Variants in TBC1D21 observed in about 807,000 individuals in gnomAD.
TBC1D21 encodes male germ cell Rab GTPase-activating protein.
A neutral mutation model predicts 46.0 loss-of-function variants in TBC1D21; 38 were observed. The observed-to-expected ratio is 0.83, with a 90% CI of 0.64 to 1.08. TBC1D21 has a LOEUF of 1.08. Ranked by LOEUF, TBC1D21 falls within the 50% of genes least tolerant of loss-of-function variation. The pLI, the probability that TBC1D21 is intolerant of heterozygous loss-of-function variation, is 0.00. For missense variants in TBC1D21, 415 were observed against 417.9 expected, an observed-to-expected ratio of 0.99 and a Z score of 0.06; for synonymous variants, 151 against 157.2, an observed-to-expected ratio of 0.96 and a Z score of 0.29.
intron 7 of TBC1D21, 68 bp from the exon 8 acceptor site, chr15:73,886,444 C>A (rs1567068441): frequency 3.5e-6 from 5 of 1,426,216 alleles, no homozygotes; most frequent in Non-Finnish European, 4.9e-6. Flanking sequence ...AGTTTGGCCT[C>A]ATCTGCATGT....
At chr15:73,889,785 T>C (rs754629498), downstream of TBC1D21, among the ~76,000 whole-genome samples, 4 of 152,250 alleles carry the variant, frequency 2.6e-5, no homozygotes, top group Non-Finnish European at 4.4e-5. Flanking sequence ...TTCTTGAGAA[T>C]GCACTCTTTG....
At chr15:73,909,386 T>C in the TBC1D21 span, among the ~76,000 whole-genome samples, 2 of 151,226 alleles carry the variant, frequency 1.3e-5, no homozygotes, top group African/African-American at 4.8e-5. Context: ...AAAATCCACA[T>C]AGAGTGCAGC....
the TBC1D21 span, among the ~76,000 whole-genome samples, chr15:73,904,053 A>ATAT: frequency 6.6e-6 from 1 of 151,440 alleles, no homozygotes; most frequent in Non-Finnish European, 1.5e-5. Context: ...GTCTCAAAAA[A>ATAT]ATATATATAT....
intron 3 of TBC1D21, among the ~76,000 whole-genome samples, 155 bp downstream of exon 3, chr15:73,881,902 G>A (rs527810929): frequency 1.5e-4 from 23 of 152,152 alleles, no homozygotes; most frequent in South Asian, 2.1e-4. Flanking sequence ...CAGGAGGTGC[G>A]GCCAGTTCGT....
At chr15:73,884,087 G>A in intron 3 of TBC1D21, 64 bp from the exon 4 acceptor site, 1 of 1,345,046 alleles carries the variant, frequency 7.4e-7, no homozygotes. Flanking sequence ...AGCTGCAGCT[G>A]CTCATTCACC....
At chr15:73,904,807 A>G in the TBC1D21 span, among the ~76,000 whole-genome samples, 2 of 152,186 alleles carry the variant, frequency 1.3e-5, no homozygotes, top group Non-Finnish European at 2.9e-5. Context: ...ACAGCAAGGA[A>G]GAGACACGGA....
chr15:73,878,850 T>C (rs956401918), intron 1 of TBC1D21, among the ~76,000 whole-genome samples: 1 of 152,240 alleles, frequency 6.6e-6, no homozygotes, highest in African/African-American at 2.4e-5. Context: ...GCTTTGCCTG[T>C]TCCCTTCTGC....
intron 4 of TBC1D21, 96 bp from the exon 5 acceptor site, chr15:73,884,685 C>T (rs2141572181): frequency 1.2e-6 from 1 of 828,706 alleles, no homozygotes; most frequent in Non-Finnish European, 2.0e-6. Context: ...TCCAGGATGT[C>T]CTAGGGCCTG....
chr15:73,881,877 C>A, intron 3 of TBC1D21, 130 bp downstream of exon 3: 1 of 792,810 alleles, frequency 1.3e-6, no homozygotes, highest in Non-Finnish European at 2.1e-6. Context: ...TGCCTCCTGA[C>A]CCAGGCACAG....
the TBC1D21 span, among the ~76,000 whole-genome samples, chr15:73,907,540 C>T: frequency 6.6e-6 from 1 of 152,134 alleles, no homozygotes; most frequent in Non-Finnish European, 1.5e-5. Flanking sequence ...AAGATCTTTC[C>T]AATAAATTCT....
intron 1 of TBC1D21, among the ~76,000 whole-genome samples, chr15:73,876,202 T>G (rs55925211): frequency 0.82 from 15,588 of 19,100 alleles, 6,473 homozygotes; most frequent in Non-Finnish European, 0.92. Context: ...TTTGTGGGTT[T>G]TTTTTTTTTT....
intron 10 of TBC1D21, 99 bp downstream of exon 10, chr15:73,888,612 C>CTCCTCCTCTTCTTCT: frequency 1.3e-6 from 1 of 789,398 alleles, no homozygotes; most frequent in Non-Finnish European, 2.1e-6. Context: ...CCTCTTCTTC[C>CTCCTCCTCTTCTTCT]TCCTCCTCCT....
the TBC1D21 span, among the ~76,000 whole-genome samples, chr15:73,901,188 A>G: frequency 1.3e-5 from 2 of 152,190 alleles, no homozygotes; most frequent in Non-Finnish European, 2.9e-5. Context: ...CGAGGGCTCA[A>G]AGTTGAGTCC....
At chr15:73,876,207 T>G (rs12708508) in intron 1 of TBC1D21, among the ~76,000 whole-genome samples, 2,385 of 13,820 alleles carry the variant, frequency 0.17, 233 homozygotes, top group East Asian at 0.61. Context: ...GGGTTTTTTT[T>G]TTTTTTTTTT....
At chr15:73,908,170 C>T in the TBC1D21 span, 1 of 152,182 alleles carries the variant, frequency 6.6e-6, no homozygotes, top group Non-Finnish European at 1.5e-5. Flanking sequence ...GTGCCCTGAC[C>T]CTGACTGTGG....
intron 8 of TBC1D21, 91 bp from the exon 9 acceptor site, chr15:73,887,529 T>A: frequency 1.9e-6 from 2 of 1,075,484 alleles, no homozygotes; most frequent in Non-Finnish European, 2.9e-6. Flanking sequence ...AATGGCTGAC[T>A]CCAGGCACGT....
chr15:73,885,511 C>T (rs2068228584), intron 6 of TBC1D21, among the ~76,000 whole-genome samples: 2 of 152,138 alleles, frequency 1.3e-5, no homozygotes, highest in South Asian at 4.1e-4. Context: ...CTTCACATAA[C>T]CTGAATTCCA....
At chr15:73,909,254 C>T in the TBC1D21 span, among the ~76,000 whole-genome samples, 1 of 152,064 alleles carries the variant, frequency 6.6e-6, no homozygotes, top group African/African-American at 2.4e-5. Flanking sequence ...CACCTGTAGT[C>T]CCAGCTACTC....
rs553848814 is a variant in TBC1D21, at chr15:73,889,137, T to C, written c.*36T>C. 56 of 1,607,748 alleles carry C rather than the reference T, an allele frequency of 3.5e-5. No individual in the cohort carries two copies. In the East Asian group the frequency reaches 5.8e-4, roughly 17 times the overall value. On this transcript the variant is annotated 3_prime_UTR_variant, in exon 11 of 11. Coordinates refer to ENST00000300504, the MANE Select transcript of TBC1D21 (RefSeq NM_153356.3). ...GCCCGCAGTGGACTGATGCCTTCGA[T>C]GGGCAGGATGAAGGCCAGGGGCACT...
Sources: gnomAD v4.1 joint callset for allele counts (sites outside exome capture counted in the v4.1 genomes callset) on GRCh38, gnomAD v4.1.1 for gene constraint, MANE v1.5 for transcripts, NCBI Gene and HGNC (gene_info 2026-07-23, HGNC 2026-07-21) for gene names.